The following GPT2 variants were observed in gnomAD, a reference collection of about 807,000 sequenced individuals.
The protein encoded by GPT2 is glutamic--pyruvic transaminase 2.
Under a neutral mutation model 56.9 loss-of-function variants are expected in GPT2, and 30 were observed. The ratio of observed to expected loss-of-function variants is 0.53; its 90% CI spans 0.39 to 0.72. The LOEUF (loss-of-function observed/expected upper bound fraction) is 0.72, where lower values mean the gene tolerates loss of function less well. GPT2 is among the 30% of genes least tolerant of loss of function. The pLI is 0.00. For missense variants in GPT2, 542 were observed against 703.4 expected (o/e 0.77, Z 2.60); for synonymous variants, 271 against 283.1 (o/e 0.96, Z 0.43).
rs527605225 is a variant in GPT2, at chr16:46,906,081, A to G, written c.443-761A>G. 1.1e-4 allele frequency among the ~76,000 whole-genome samples: 17 copies of G among 151,630 alleles called. No individual in the cohort carries two copies. The East Asian group carries it at 2.3e-3, about 21-fold the overall frequency. On this transcript the variant is annotated intron_variant, in intron 4 of 11. Transcript: ENST00000340124. ...GTGCTAATGTGGGGTTTTTGTTTTTATTTTTATTTATTTTTTTGAGACAGG... is the reference window on the plus strand; with the variant it reads ...GTGCTAATGTGGGGTTTTTGTTTTTGTTTTTATTTATTTTTTTGAGACAGG...
At chr16:46,910,606 A>G (rs2143480593) in intron 6 of GPT2, among the ~76,000 whole-genome samples, 1 of 152,012 alleles carries the variant, frequency 6.6e-6, no homozygotes, top group Admixed American at 6.6e-5. Flanking sequence ...AATAATTATT[A>G]TTTTATAGAG....
At chr16:46,889,246 A>AATT (rs770234737) in intron 2 of GPT2, among the ~76,000 whole-genome samples, 1 of 94,946 alleles carries the variant, frequency 1.1e-5, no homozygotes, top group African/African-American at 4.2e-5. Flanking sequence ...CAGGCTGTTA[A>AATT]TTTTTTTTTT....
At chr16:46,907,067 G>A (rs1960945824) in intron 5 of GPT2, 92 bp downstream of exon 5, 7 of 1,573,468 alleles carry the variant, frequency 4.4e-6, no homozygotes, top group Non-Finnish European at 6.1e-6. Context: ...TTGGCTAGCA[G>A]GGAGGGTGGC....
At chr16:46,895,455 G>A (rs911813959) in intron 2 of GPT2, among the ~76,000 whole-genome samples, 1 of 151,632 alleles carries the variant, frequency 6.6e-6, no homozygotes, top group African/African-American at 2.4e-5. Flanking sequence ...AACCCGGGAG[G>A]TGGAGGTTGC....
intron 4 of GPT2, among the ~76,000 whole-genome samples, chr16:46,905,889 C>A (rs983560099): frequency 6.6e-6 from 1 of 152,022 alleles, no homozygotes; most frequent in East Asian, 1.9e-4. Context: ...CTTCCAGGAC[C>A]ATTCGTTAGT....
At chr16:46,927,735 A>T (rs984102096) in intron 11 of GPT2, among the ~76,000 whole-genome samples, 1 of 151,822 alleles carries the variant, frequency 6.6e-6, no homozygotes, top group Admixed American at 6.6e-5. Context: ...GTGTCCCCTG[A>T]TGGACAAACC....
intron 6 of GPT2, among the ~76,000 whole-genome samples, chr16:46,911,411 C>T (rs1420712516): frequency 6.6e-6 from 1 of 152,190 alleles, no homozygotes; most frequent in Non-Finnish European, 1.5e-5. Flanking sequence ...CAGCTGAAAA[C>T]ACCCCTTGAA....
chr16:46,898,031 G>A (rs1960718027), intron 3 of GPT2, among the ~76,000 whole-genome samples: 1 of 152,184 alleles, frequency 6.6e-6, no homozygotes, highest in African/African-American at 2.4e-5. Context: ...CGGCAGCCCA[G>A]AGGACAGGGA....
intron 8 of GPT2, among the ~76,000 whole-genome samples, chr16:46,921,854 A>G (rs1301866970): frequency 6.6e-6 from 1 of 152,082 alleles, no homozygotes; most frequent in Non-Finnish European, 1.5e-5. Context: ...CTATCTCTAC[A>G]TACATAAAAA....
intron 2 of GPT2, among the ~76,000 whole-genome samples, chr16:46,894,790 C>G (rs749855506): frequency 1.2e-4 from 19 of 152,254 alleles, no homozygotes; most frequent in African/African-American, 2.4e-4. Flanking sequence ...CTCAGCGTCC[C>G]GAGTAGCTGG....
intron 5 of GPT2, among the ~76,000 whole-genome samples, chr16:46,908,846 C>G (rs1006641126): frequency 6.6e-6 from 1 of 152,174 alleles, no homozygotes; most frequent in Admixed American, 6.6e-5. Flanking sequence ...TTTAAAATCT[C>G]GTGGCATTTT....
In GPT2 at chr16:46,920,083, C is replaced by T. The variant is rs566330954; in HGVS notation, c.1037+1326C>T. Among the ~76,000 whole-genome samples, 29 of 152,280 alleles carry T rather than the reference C, an allele frequency of 1.9e-4. No homozygotes were observed. In the Middle Eastern group the frequency reaches 0.01, roughly 54 times the overall value. Reference sequence around the variant, plus strand: ...AAACTCAGCCAGGTTTGGTGGTGCGCGCTTCCAGCTACTCAGGAGGCTGAG... The same window carrying T: ...AAACTCAGCCAGGTTTGGTGGTGCGTGCTTCCAGCTACTCAGGAGGCTGAG... On this transcript the variant is annotated intron_variant, in intron 8 of 11. Transcript: ENST00000340124.
At chr16:46,895,827 C>A (rs1027068811) in intron 2 of GPT2, among the ~76,000 whole-genome samples, 2 of 152,228 alleles carry the variant, frequency 1.3e-5, no homozygotes, top group Non-Finnish European at 2.9e-5. Context: ...GCCACCACGT[C>A]CAGCCACTGG....
At chr16:46,917,406 T>C (rs1325031534) in intron 7 of GPT2, among the ~76,000 whole-genome samples, 1 of 152,180 alleles carries the variant, frequency 6.6e-6, no homozygotes, top group East Asian at 1.9e-4. Flanking sequence ...TGCAGTTCTG[T>C]GCCTCCCAGC....
rs1447487869 is a variant in GPT2, at chr16:46,884,763, C to G, written c.48C>G (p.Thr16=). Residue 16 remains threonine (T), a synonymous_variant, in exon 2 of 12, where the codon ACC becomes ACG. Coordinates refer to ENST00000340124, the MANE Select transcript of GPT2 (RefSeq NM_133443.4). ...ALVRRGCGPR[T]PSSWGRSQSS... ...TCCGGCGGGGCTGTGGTCCCCGGAC[C>G]CCCAGCTCCTGGGGCCGCAGCCAGA... The G allele has an allele frequency of 9.5e-6, 14 of 1,476,026 alleles. No homozygotes were observed. Among genetic ancestry groups the G allele is most frequent in the Non-Finnish European group, 1.2e-5 (13 of 1,112,498 alleles). 91.4% of individuals were successfully genotyped at this position (1,476,026 alleles called of 1,614,324 possible).
At chr16:46,915,343 C>G (rs1044618464) in intron 6 of GPT2, 2 of 134,212 alleles carry the variant, frequency 1.5e-5, no homozygotes, top group Non-Finnish European at 3.3e-5. Flanking sequence ...ACACTGCACA[C>G]AGACACCCAC....
At chr16:46,913,763 T>C (rs925665483) in intron 6 of GPT2, among the ~76,000 whole-genome samples, 5 of 152,118 alleles carry the variant, frequency 3.3e-5, no homozygotes, top group Non-Finnish European at 7.3e-5. Flanking sequence ...TGTATGTATA[T>C]ATATATGTAC....
At chr16:46,901,807 C>G (rs1425711554) in intron 4 of GPT2, among the ~76,000 whole-genome samples, 1 of 152,202 alleles carries the variant, frequency 6.6e-6, no homozygotes, top group East Asian at 1.9e-4. Context: ...GACACTGTCT[C>G]TCTCAGGAGG....
intron 2 of GPT2, among the ~76,000 whole-genome samples, chr16:46,895,143 C>T (rs534648710): frequency 1.3e-5 from 2 of 152,196 alleles, no homozygotes; most frequent in East Asian, 3.9e-4. Context: ...TTGCTTAGGG[C>T]TTAGGGGTGG....
Sources: allele counts gnomAD v4.1 joint callset (sites outside exome capture counted in the v4.1 genomes callset), GRCh38; gene constraint gnomAD v4.1.1; transcripts MANE v1.5; gene names NCBI Gene and HGNC (gene_info 2026-07-23, HGNC 2026-07-21).